UBASH3A: variants seen among roughly 807,000 people sequenced by gnomAD.
UBASH3A encodes ubiquitin associated and SH3 domain containing A.
Under a neutral mutation model 73.5 loss-of-function variants are expected in UBASH3A, and 63 were observed. The observed-to-expected ratio is 0.86, with a 90% confidence interval of 0.70 to 1.06. UBASH3A has a LOEUF of 1.06. UBASH3A is among the 50% of genes least tolerant of loss of function. UBASH3A has a pLI of 0.00. For synonymous variants in UBASH3A, 363 were observed against 351.1 expected (o/e 1.03, Z -0.38); for missense variants, 860 against 859.0 (o/e 1.00, Z -0.02).
At chr21:42,434,358 C>G (rs2053589717) in intron 9 of UBASH3A, among the ~76,000 whole-genome samples, 1 of 136,628 alleles carries the variant, frequency 7.3e-6, no homozygotes, top group South Asian at 2.3e-4. Context: ...CCACTTCCAG[C>G]CTGGCTTCAA....
Position 42,418,515 on chromosome 21 carries a change from G to T in UBASH3A, c.952G>T (p.Val318Leu). ...TQQDEASEGW[V>L]IGISQRTGCR... is the part of the protein sequence containing the mutation. ...GCAGGACGAAGCCAGCGAGGGCTGG[G>T]TGATTGGGATCTCACAGCGGACGGG... is the stretch of plus-strand genomic sequence containing the variant. Residue 318 changes from valine (V) to leucine (L), a missense_variant, in exon 7 of 15, where the codon GTG becomes TTG. Transcript: ENST00000319294. The T allele has an allele frequency of 6.2e-7, 1 of 1,614,230 alleles. No homozygotes were observed. The highest frequency in any genetic ancestry group is 1.1e-5 in the South Asian group (1 of 91,088).
In UBASH3A at chr21:42,441,403, G is replaced by A. The variant is rs1601603740; in HGVS notation, c.1487-1049G>A. Among the ~76,000 whole-genome samples, 6 of 149,910 alleles carry A rather than the reference G, an allele frequency of 4.0e-5. No homozygotes were observed. The South Asian group carries it at 1.1e-3, about 27-fold the overall frequency. On this transcript the variant is annotated intron_variant, in intron 11 of 14. Coordinates refer to ENST00000319294, the MANE Select transcript of UBASH3A (RefSeq NM_018961.4). ...GAAATGAGCTCTTCACAGGCTTGGGGGAGATTTCGGGGGCCTGGTTTATCA... is the reference window on the plus strand; with the variant it reads ...GAAATGAGCTCTTCACAGGCTTGGGAGAGATTTCGGGGGCCTGGTTTATCA...
intron 5 of UBASH3A, among the ~76,000 whole-genome samples, chr21:42,414,226 A>T (rs1601564716): frequency 6.6e-6 from 1 of 152,310 alleles, no homozygotes; most frequent in East Asian, 1.9e-4. Flanking sequence ...CTGTGCTCAG[A>T]CATGTATGAA....
intron 11 of UBASH3A, among the ~76,000 whole-genome samples, chr21:42,438,373 T>C (rs1004456363): frequency 3.3e-5 from 5 of 151,910 alleles, no homozygotes; most frequent in African/African-American, 1.2e-4. Context: ...TGTGGGAAGT[T>C]TGGGGTGCGC....
chr21:42,419,045 T>G (rs1048323953), intron 7 of UBASH3A, among the ~76,000 whole-genome samples: 1 of 152,236 alleles, frequency 6.6e-6, no homozygotes, highest in African/African-American at 2.4e-5. Flanking sequence ...ATTTATGGGT[T>G]GAGAGTCAGA....
chr21:42,410,177 T>C (rs765955214), intron 3 of UBASH3A: 46 of 701,436 alleles, frequency 6.6e-5, no homozygotes, highest in Non-Finnish European at 1.1e-4. Context: ...CAAAACACAA[T>C]GGCCCAGCAG....
intron 7 of UBASH3A, among the ~76,000 whole-genome samples, chr21:42,425,811 G>A (rs2053425193): frequency 6.6e-6 from 1 of 152,150 alleles, no homozygotes; most frequent in African/African-American, 2.4e-5. Flanking sequence ...CTCTATGGGA[G>A]AAATGCAAAC....
intron 12 of UBASH3A, 155 bp from the exon 13 acceptor site, chr21:42,443,157 T>G (rs543482898): frequency 1.4e-6 from 2 of 1,396,284 alleles, no homozygotes; most frequent in East Asian, 5.4e-5. Context: ...TTGCCAGTTT[T>G]CAGCACAAAA....
At position 42,443,318 on chromosome 21, in the gene UBASH3A, G is replaced by A. The variant is rs147514329; in HGVS notation, c.1638G>A (p.Ala546=). The part of the protein sequence containing the change: ...NFNIDTDYRP[A]FPLSALMPAE... ...CTCCTTCTCATCCTTCCAGGCCCGC[G>A]TTTCCCCTGTCCGCCCTCATGCCGG... Residue 546 remains alanine, a synonymous_variant, in exon 13 of 15, where the codon GCG becomes GCA. Coordinates refer to ENST00000319294, the MANE Select transcript of UBASH3A (RefSeq NM_018961.4). 2.0e-4 allele frequency: 328 copies of A among 1,612,696 alleles called. 2 individuals carry two copies. Among genetic ancestry groups the A allele is most frequent in the Non-Finnish European group, 5.3e-5 (63 of 1,179,242 alleles).
intron 14 of UBASH3A, 118 bp downstream of exon 14, chr21:42,444,761 T>G: frequency 1.2e-6 from 1 of 826,128 alleles, no homozygotes; most frequent in East Asian, 2.5e-5. Flanking sequence ...GCCACCAGGA[T>G]CCACGTGCCC....
chr21:42,416,544 C>G lies in UBASH3A; in HGVS notation c.770C>G (p.Pro257Arg), dbSNP rs1326866856. The G allele has an allele frequency of 2.5e-6, 4 of 1,610,534 alleles. No individual in the cohort carries two copies. Among genetic ancestry groups the G allele is most frequent in the Admixed American group, 1.7e-5 (1 of 59,486 alleles). ...CTGGAGCAGCTGGCCAGAGCCATCCCCCTGGGCCACAGCTGCCAGTGGACC... is the reference window on the plus strand; with the variant it reads ...CTGGAGCAGCTGGCCAGAGCCATCCGCCTGGGCCACAGCTGCCAGTGGACC... ...RTLEQLARAI[P>R]LGHSCQWTAA... is the part of the protein sequence containing the mutation. Residue 257 changes from proline (P) to arginine (R), a missense_variant, in exon 6 of 15, where the codon CCC becomes CGC. Transcript: ENST00000319294.
intron 10 of UBASH3A, among the ~76,000 whole-genome samples, chr21:42,436,951 G>A (rs1300317805): frequency 6.6e-6 from 1 of 152,244 alleles, no homozygotes; most frequent in Non-Finnish European, 1.5e-5. Context: ...CTGAAGTCAA[G>A]GTCTCTGCTG....
In UBASH3A at chr21:42,444,515, G is replaced by A. The variant is rs1221809973; in HGVS notation, c.1739-19G>A. On this transcript the variant is annotated intron_variant, in intron 13 of 14. Transcript: ENST00000319294. The stretch of plus-strand genomic sequence containing the variant: ...TCTCTGGGGCTGCTTTGACCTGGAG[G>A]TGTTCTTGTTTTCCACAGCGGGTGT... 2 of 1,592,062 alleles carry A rather than the reference G, an allele frequency of 1.3e-6. No individual in the cohort carries two copies. Among genetic ancestry groups the A allele is most frequent in the East Asian group, 2.2e-5 (1 of 44,796 alleles).
At chr21:42,409,330 A>T in intron 2 of UBASH3A, 92 bp from the exon 3 acceptor site, 1 of 1,306,012 alleles carries the variant, frequency 7.7e-7, no homozygotes, top group Non-Finnish European at 1.0e-6. Flanking sequence ...ATAATTCTGC[A>T]TTGCTGTCAT....
At chr21:42,433,260 G>A (rs1003690382) in intron 9 of UBASH3A, among the ~76,000 whole-genome samples, 1 of 152,166 alleles carries the variant, frequency 6.6e-6, no homozygotes, top group East Asian at 1.9e-4. Context: ...CATCTAGTTT[G>A]TCTGAATTTT....
rs746267083 is a variant in UBASH3A at position 42,447,103 on chromosome 21, G to A, written c.1895G>A (p.Gly632Glu). The A allele has an allele frequency of 4.3e-6, 7 of 1,613,962 alleles. No individual in the cohort carries two copies. In the African/African-American group the frequency reaches 6.7e-5, roughly 15 times the overall value. ...MCFCEENKEE[G>E]KWELVNPPVK... ...TTCTGTGAAGAAAATAAAGAGGAAG[G>A]AAAATGGGAGTTGGTGAACCCACCG... Residue 632 changes from glycine to glutamate, a missense_variant, in exon 15 of 15, where the codon GGA (glycine) becomes GAA (glutamate). By Grantham distance (98) the Gly-to-Glu change is moderately conservative (BLOSUM62 -2). Coordinates refer to ENST00000319294, the MANE Select transcript of UBASH3A (RefSeq NM_018961.4).
intron 8 of UBASH3A, among the ~76,000 whole-genome samples, chr21:42,427,173 A>T (rs1289463977): frequency 1.3e-5 from 2 of 152,070 alleles, no homozygotes; most frequent in Non-Finnish European, 2.9e-5. Context: ...TTTGAGGCAA[A>T]ACTCTCCATA....
intron 10 of UBASH3A, among the ~76,000 whole-genome samples, chr21:42,436,012 T>TTAGAGTTATAGAGTCATAGAGTTAC (rs2053621908): frequency 6.6e-6 from 1 of 150,412 alleles, no homozygotes; most frequent in African/African-American, 2.5e-5. Flanking sequence ...CATAGAGTTA[T>TTAGAGTTATAGAGTCATAGAGTTAC]AGAGTTATAG....
At position 42,403,994 on chromosome 21, in the gene UBASH3A, A is replaced by G. The variant is rs2052913717; in HGVS notation, c.49A>G (p.Lys17Glu). 8 of 1,528,336 alleles carry G rather than the reference A, an allele frequency of 5.2e-6. No homozygotes were observed. The highest frequency in any genetic ancestry group is 7.1e-6 in the Non-Finnish European group (8 of 1,133,762). 94.7% of individuals were successfully genotyped at this position (1,528,336 alleles called of 1,614,324 possible). Residue 17 changes from lysine to glutamate, a missense_variant, in exon 1 of 15, where the codon AAG (lysine) becomes GAG (glutamate). Lys to Glu is a moderately conservative substitution (Grantham distance 56). Transcript: ENST00000319294. ...QLYAKVSNKL[K>E]SRSSPSLLEP... ...CTACGCCAAGGTCTCCAACAAGCTC[A>G]AGAGCCGCAGCAGCCCCTCGCTCCT...
Sources: allele counts gnomAD v4.1 joint callset (sites outside exome capture counted in the v4.1 genomes callset), GRCh38; gene constraint gnomAD v4.1.1; transcripts MANE v1.5; gene names NCBI Gene and HGNC (gene_info 2026-07-23, HGNC 2026-07-21).